The following TAFA1 variants were observed in gnomAD, a reference collection of about 807,000 sequenced individuals.
TAFA1 encodes TAFA chemokine like family member 1, also known as chemokine-like protein TAFA-1.
Under a neutral mutation model 18.5 loss-of-function variants are expected in TAFA1, and 4 were observed. The ratio of observed to expected loss-of-function variants is 0.22; its 90% CI spans 0.11 to 0.49. The LOEUF is 0.49. Among genes scored for constraint, TAFA1 ranks in the 20% least tolerant of loss-of-function variants. TAFA1 has a pLI of 0.98. For synonymous variants in TAFA1, 56 were observed against 55.2 expected, an observed-to-expected ratio of 1.01 and a Z score of -0.06; for missense variants, 147 against 169.0, an observed-to-expected ratio of 0.87 and a Z score of 0.72.
chr3:68,197,333 A>T (rs192996786), intron 2 of TAFA1, among the ~76,000 whole-genome samples: 1 of 151,916 alleles, frequency 6.6e-6, no homozygotes, highest in Admixed American at 6.6e-5. Flanking sequence ...ATGAAATGAA[A>T]GAGAAATAAG....
chr3:68,263,607 G>T (rs1202762387), intron 2 of TAFA1, among the ~76,000 whole-genome samples: 4 of 151,268 alleles, frequency 2.6e-5, no homozygotes, highest in Non-Finnish European at 5.9e-5. Context: ...TAATGAAGCT[G>T]AGAGAGGCTG....
At chr3:68,017,075 G>A (rs1057020444) in intron 2 of TAFA1, among the ~76,000 whole-genome samples, 1 of 152,072 alleles carries the variant, frequency 6.6e-6, no homozygotes, top group Non-Finnish European at 1.5e-5. Flanking sequence ...TAAAAATTGC[G>A]ACTTTAAAAA....
rs143172720 is a variant in TAFA1 at position 68,123,783 on chromosome 3, A to G, written c.118+117039A>G. On this transcript the variant is annotated intron_variant, in intron 2 of 4. Coordinates refer to ENST00000478136, the MANE Select transcript of TAFA1 (RefSeq NM_213609.4). ...GAATAATAAACTGGTTATTTGTCCC[A>G]CTGCAATAAGCCACTTTTGCTTTCT... is the stretch of plus-strand genomic sequence containing the variant. Among the ~76,000 whole-genome samples, 196 of 149,348 alleles carry G rather than the reference A, an allele frequency of 1.3e-3. 5 individuals are homozygous for G. The East Asian group carries it at 0.033, about 25-fold the overall frequency.
At chr3:68,451,571 C>A (rs73837640) in intron 3 of TAFA1, among the ~76,000 whole-genome samples, 419 of 152,262 alleles carry the variant, frequency 2.8e-3, no homozygotes, top group African/African-American at 9.5e-3. Flanking sequence ...CTGTCATCTT[C>A]CCCTTCCATC....
At chr3:68,483,715 A>C (rs1192377447) in intron 3 of TAFA1, among the ~76,000 whole-genome samples, 3 of 152,250 alleles carry the variant, frequency 2.0e-5, no homozygotes, top group African/African-American at 4.8e-5. Flanking sequence ...TGGGGCTGAT[A>C]TAGGTAAACT....
At chr3:68,380,913 T>C (rs1393649330) in intron 2 of TAFA1, among the ~76,000 whole-genome samples, 1 of 150,772 alleles carries the variant, frequency 6.6e-6, no homozygotes, top group Non-Finnish European at 1.5e-5. Context: ...GTCTAACATG[T>C]AAGTCTTTAA....
At chr3:68,089,099 T>C (rs1035473043) in intron 2 of TAFA1, among the ~76,000 whole-genome samples, 5 of 152,122 alleles carry the variant, frequency 3.3e-5, no homozygotes, top group Non-Finnish European at 7.4e-5. Flanking sequence ...CGTGCTATGC[T>C]TGAGGCACCT....
intron 2 of TAFA1, among the ~76,000 whole-genome samples, chr3:68,149,915 G>A (rs1344398511): frequency 1.3e-5 from 2 of 152,104 alleles, no homozygotes; most frequent in African/African-American, 4.8e-5. Context: ...GGAGCTGGGG[G>A]CTGGGTTGTC....
chr3:67,998,750 G>A, the TAFA1 span, among the ~76,000 whole-genome samples: 1 of 152,206 alleles, frequency 6.6e-6, no homozygotes, highest in Non-Finnish European at 1.5e-5. Flanking sequence ...GGCAGAGAGA[G>A]TTGGAAATAA....
At chr3:68,063,962 C>T (rs1353284737) in intron 2 of TAFA1, among the ~76,000 whole-genome samples, 1 of 152,134 alleles carries the variant, frequency 6.6e-6, no homozygotes, top group Non-Finnish European at 1.5e-5. Flanking sequence ...TTCCTACCCC[C>T]AGGTAGGACT....
intron 3 of TAFA1, among the ~76,000 whole-genome samples, chr3:68,521,432 GC>G (rs1313870467): frequency 6.6e-6 from 1 of 152,162 alleles, no homozygotes; most frequent in Non-Finnish European, 1.5e-5. Flanking sequence ...CAGGCACTCT[GC>G]TTGGTGCATT....
intron 3 of TAFA1, among the ~76,000 whole-genome samples, chr3:68,427,654 A>G (rs1474848586): frequency 6.6e-6 from 1 of 150,906 alleles, no homozygotes; most frequent in East Asian, 2.0e-4. Context: ...AAAACCTACC[A>G]CCCCCCCCAT....
At chr3:68,484,384 A>G (rs2072299304) in intron 3 of TAFA1, among the ~76,000 whole-genome samples, 1 of 152,160 alleles carries the variant, frequency 6.6e-6, no homozygotes, top group Non-Finnish European at 1.5e-5. Flanking sequence ...GTTATTGGCT[A>G]TTGCAGCGGT....
chr3:68,162,279 C>T (rs746848390), intron 2 of TAFA1, among the ~76,000 whole-genome samples: 2 of 152,124 alleles, frequency 1.3e-5, no homozygotes, highest in African/African-American at 2.4e-5. Flanking sequence ...AATTTTTCCA[C>T]AGATGGGGTT....
chr3:68,228,540 C>G (rs1377015402), intron 2 of TAFA1, among the ~76,000 whole-genome samples: 1 of 152,338 alleles, frequency 6.6e-6, no homozygotes, highest in African/African-American at 2.4e-5. Context: ...TGTACTTTTA[C>G]TTCTTTCATT....
chr3:68,000,988 G>A (rs770000089), upstream of TAFA1, among the ~76,000 whole-genome samples: 5 of 151,998 alleles, frequency 3.3e-5, no homozygotes, highest in Non-Finnish European at 5.9e-5. Context: ...TGAAAGTTTT[G>A]TAAACCAAAA....
chr3:68,119,501 C>A (rs1487893263), intron 2 of TAFA1, among the ~76,000 whole-genome samples: 1 of 151,932 alleles, frequency 6.6e-6, no homozygotes, highest in Non-Finnish European at 1.5e-5. Context: ...TTCTTCTAAG[C>A]TTTTAAGTTT....
intron 3 of TAFA1, among the ~76,000 whole-genome samples, chr3:68,429,014 G>A (rs2071112836): frequency 6.6e-6 from 1 of 152,010 alleles, no homozygotes; most frequent in African/African-American, 2.4e-5. Context: ...GAATTCAAGA[G>A]CAGAGATTGA....
chr3:68,381,105 C>T (rs1321569837), intron 2 of TAFA1, among the ~76,000 whole-genome samples: 1 of 63,112 alleles, frequency 1.6e-5, no homozygotes, highest in African/African-American at 6.2e-5. Flanking sequence ...TTTCTGAGGG[C>T]TCTGTTCTGT....
Sources: allele counts gnomAD v4.1 joint callset (sites outside exome capture counted in the v4.1 genomes callset), GRCh38; gene constraint gnomAD v4.1.1; transcripts MANE v1.5; gene names NCBI Gene and HGNC (gene_info 2026-07-23, HGNC 2026-07-21).